The following PBX3 variants were observed in gnomAD, a reference collection of about 807,000 sequenced individuals.
PBX3 encodes the protein pre-B-cell leukemia transcription factor 3.
In PBX3, 14 loss-of-function variants were observed where a neutral mutation model predicts 48.5. That is an observed-to-expected ratio of 0.29 (90% CI 0.19 to 0.45). The LOEUF is 0.45. Ranked by LOEUF, PBX3 falls within the 20% of genes least tolerant of loss-of-function variation. The pLI, the probability that PBX3 is intolerant of heterozygous loss-of-function variation, is 1.00. For missense variants in PBX3, 386 were observed against 546.7 expected (o/e 0.71, Z 2.93); for synonymous variants, 210 against 200.3 (o/e 1.05, Z -0.41).
intron 2 of PBX3, among the ~76,000 whole-genome samples, chr9:125,781,580 G>C (rs1837316585): frequency 6.8e-6 from 1 of 148,030 alleles, no homozygotes; most frequent in African/African-American, 2.5e-5. Flanking sequence ...GGGGAGAGGG[G>C]AGAGGCGAGA....
intron 3 of PBX3, among the ~76,000 whole-genome samples, chr9:125,924,425 T>A (rs1370883688): frequency 6.6e-6 from 1 of 152,216 alleles, no homozygotes; most frequent in Non-Finnish European, 1.5e-5. Flanking sequence ...GTTAATAGCC[T>A]TTTCAGATAA....
chr9:125,958,487 G>A (rs992845858), intron 5 of PBX3, among the ~76,000 whole-genome samples: 1 of 152,206 alleles, frequency 6.6e-6, no homozygotes, highest in African/African-American at 2.4e-5. Context: ...TAGTCTAGAT[G>A]TTGGAAGTAG....
At chr9:125,949,372 A>G (rs1842139052) in intron 5 of PBX3, 2 of 1,550,784 alleles carry the variant, frequency 1.3e-6, no homozygotes, top group Non-Finnish European at 1.7e-6. Context: ...CTTGCCGGGC[A>G]TACAGAGTCT....
At chr9:125,902,342 C>T (rs947993495) in intron 2 of PBX3, among the ~76,000 whole-genome samples, 5 of 151,586 alleles carry the variant, frequency 3.3e-5, no homozygotes, top group African/African-American at 1.2e-4. Context: ...TTGTTGTACT[C>T]GCATTATTGT....
intron 2 of PBX3, among the ~76,000 whole-genome samples, chr9:125,832,162 C>G (rs1220411317): frequency 1.3e-5 from 2 of 151,100 alleles, no homozygotes; most frequent in Admixed American, 1.3e-4. Flanking sequence ...TTGATTTATT[C>G]TATATATTGT....
intron 2 of PBX3, among the ~76,000 whole-genome samples, chr9:125,789,039 T>A (rs1219237250): frequency 6.6e-6 from 1 of 152,218 alleles, no homozygotes; most frequent in Non-Finnish European, 1.5e-5. Context: ...TTGTTATCTT[T>A]CTATGATTTG....
chr9:125,765,153 GT>G lies in PBX3; in HGVS notation c.274+16544del, dbSNP rs935957484. ...TTATATTTGTATTTTAAAGAAATTG[GT>G]TTTTTTTTTTTTTGAGAGGGTGTCT... On this transcript the variant is annotated intron_variant, in intron 2 of 8. Coordinates refer to ENST00000373489, the MANE Select transcript of PBX3 (RefSeq NM_006195.6). 1.5e-3 allele frequency among the ~76,000 whole-genome samples: 218 copies of G among 142,802 alleles called. 1 individual carries two copies. Among genetic ancestry groups the G allele is most frequent in the Middle Eastern group, 3.6e-3 (1 of 278 alleles). 93.7% of individuals were successfully genotyped at this position (142,802 alleles called of 152,430 possible).
intron 2 of PBX3, among the ~76,000 whole-genome samples, chr9:125,855,513 G>T (rs1325238836): frequency 6.6e-6 from 1 of 151,902 alleles, no homozygotes; most frequent in East Asian, 1.9e-4. Context: ...TCAAGGTAAA[G>T]ATTTTTTTCT....
chr9:125,880,392 AACAG>A (rs377041420), intron 2 of PBX3, among the ~76,000 whole-genome samples: 32 of 152,354 alleles, frequency 2.1e-4, no homozygotes, highest in African/African-American at 6.3e-4. Context: ...ATAGCAGTGC[AACAG>A]ACAAAGTACT....
At chr9:125,811,704 T>C (rs1017813233) in intron 2 of PBX3, among the ~76,000 whole-genome samples, 1 of 152,188 alleles carries the variant, frequency 6.6e-6, no homozygotes, top group African/African-American at 2.4e-5. Flanking sequence ...ATTTAGTGTA[T>C]GGTGAGTGTT....
At chr9:125,889,450 A>G (rs565690459) in intron 2 of PBX3, among the ~76,000 whole-genome samples, 181 of 152,250 alleles carry the variant, frequency 1.2e-3, no homozygotes, top group Non-Finnish European at 2.1e-3. Context: ...ACGATAAATA[A>G]TGGATGTATG....
At chr9:125,817,388 TG>T (rs980993239) in intron 2 of PBX3, among the ~76,000 whole-genome samples, 4 of 152,306 alleles carry the variant, frequency 2.6e-5, no homozygotes, top group African/African-American at 9.6e-5. Flanking sequence ...ATCTTGGAGG[TG>T]GACTAGAGGT....
chr9:125,763,831 T>C (rs541591801), intron 2 of PBX3, among the ~76,000 whole-genome samples: 27 of 152,240 alleles, frequency 1.8e-4, no homozygotes, highest in Non-Finnish European at 2.6e-4. Context: ...TCACACAGAG[T>C]ACATTATAGC....
intron 2 of PBX3, among the ~76,000 whole-genome samples, chr9:125,846,944 G>T (rs1013867831): frequency 6.6e-6 from 1 of 151,328 alleles, no homozygotes; most frequent in Non-Finnish European, 1.5e-5. Flanking sequence ...AAAAAATTGG[G>T]TTGCTTGTCC....
At chr9:125,770,942 G>A (rs570077927) in intron 2 of PBX3, among the ~76,000 whole-genome samples, 2 of 152,192 alleles carry the variant, frequency 1.3e-5, no homozygotes, top group African/African-American at 4.8e-5. Flanking sequence ...AGGCGCTGCT[G>A]TCAAGTGTTA....
chr9:125,876,251 GA>G (rs2132335292), intron 2 of PBX3, among the ~76,000 whole-genome samples: 1 of 152,140 alleles, frequency 6.6e-6, no homozygotes, highest in South Asian at 2.1e-4. Context: ...AGTTATTTAA[GA>G]ATGGAATTAA....
At chr9:125,780,089 C>T (rs1403447356) in intron 2 of PBX3, among the ~76,000 whole-genome samples, 13 of 124,186 alleles carry the variant, frequency 1.0e-4, no homozygotes, top group African/African-American at 2.8e-4. Flanking sequence ...CCCTCCCGGA[C>T]GGGGCGGCTG....
At chr9:125,946,294 A>G (rs1378206332) in intron 5 of PBX3, among the ~76,000 whole-genome samples, 2 of 152,160 alleles carry the variant, frequency 1.3e-5, no homozygotes, top group South Asian at 2.1e-4. Flanking sequence ...AGTTGTTTCT[A>G]TAAACAAAAC....
intron 5 of PBX3, among the ~76,000 whole-genome samples, chr9:125,953,995 A>G (rs1238864663): frequency 6.6e-6 from 1 of 152,148 alleles, no homozygotes; most frequent in Non-Finnish European, 1.5e-5. Context: ...GCCTTCCTAA[A>G]TCCACCTGCC....
Sources: gnomAD v4.1 joint callset for allele counts (sites outside exome capture counted in the v4.1 genomes callset) on GRCh38, gnomAD v4.1.1 for gene constraint, MANE v1.5 for transcripts, NCBI Gene and HGNC (gene_info 2026-07-23, HGNC 2026-07-21) for gene names.